Variants in FUT8 observed in about 807,000 individuals in gnomAD.
FUT8 encodes the protein alpha-(1,6)-fucosyltransferase.
A neutral mutation model predicts 71.3 loss-of-function variants in FUT8; 29 were observed. The ratio of observed to expected loss-of-function variants is 0.41; its 90% CI spans 0.30 to 0.55. FUT8 has a LOEUF of 0.55. FUT8 is among the 20% of genes least tolerant of loss of function. The probability of loss-of-function intolerance (pLI) is 0.34; values close to 1 mark genes in which losing one functional copy is unlikely to be tolerated. For missense variants in FUT8, 544 were observed against 702.1 expected (o/e 0.77, Z 2.55); for synonymous variants, 254 against 239.3 (o/e 1.06, Z -0.57).
chr14:65,467,077 T>G lies in FUT8; in HGVS notation c.-228+11359T>G, dbSNP rs1346710165. Among the ~76,000 whole-genome samples, 2 of 152,174 alleles carry G rather than the reference T, an allele frequency of 1.3e-5. No individual in the cohort carries two copies. The highest frequency in any genetic ancestry group is 2.4e-5 in the African/African-American group (1 of 41,434). On this transcript the variant is annotated intron_variant, in intron 2 of 10. Transcript: ENST00000673929. The surrounding 1 kb of genome is among the most constrained non-coding windows in gnomAD (Gnocchi z 4.1). Reference sequence around the variant, plus strand: ...TTATTTTTTTCCTCTACACTCTTCCTTTCTTTTTGTAATCCATATTTCTGA... The same window carrying G: ...TTATTTTTTTCCTCTACACTCTTCCGTTCTTTTTGTAATCCATATTTCTGA...
chr14:65,384,715 A>T, the FUT8 span, among the ~76,000 whole-genome samples: 1 of 152,146 alleles, frequency 6.6e-6, no homozygotes. The surrounding 1 kb of genome is among the most constrained non-coding windows in gnomAD (Gnocchi z 4.2). Flanking sequence ...GGGTGCATTT[A>T]AATGCATTTT....
the FUT8 span, among the ~76,000 whole-genome samples, chr14:65,398,224 A>G: frequency 6.6e-6 from 1 of 152,132 alleles, no homozygotes; most frequent in Non-Finnish European, 1.5e-5. Context: ...ATAGTGGCAC[A>G]ATCATAGCTC....
At chr14:65,688,707 A>G (rs1174639093) in intron 7 of FUT8, among the ~76,000 whole-genome samples, 4 of 152,022 alleles carry the variant, frequency 2.6e-5, no homozygotes, top group Non-Finnish European at 4.4e-5. Context: ...TACATTTTCA[A>G]CTCACTTGGG....
chr14:65,571,495 T>C (rs1055305589), intron 3 of FUT8, among the ~76,000 whole-genome samples: 2 of 152,124 alleles, frequency 1.3e-5, no homozygotes, highest in Non-Finnish European at 2.9e-5. Context: ...TACTCTTACA[T>C]ACAGGGCCTG....
At chr14:65,522,885 C>G (rs1050977318) in intron 2 of FUT8, among the ~76,000 whole-genome samples, 6 of 152,102 alleles carry the variant, frequency 3.9e-5, no homozygotes, top group African/African-American at 1.4e-4. Flanking sequence ...ATCCACATCC[C>G]TACAAAGGAC....
chr14:65,428,852 G>T (rs1372466123), intron 1 of FUT8, among the ~76,000 whole-genome samples: 2 of 152,138 alleles, frequency 1.3e-5, no homozygotes, highest in African/African-American at 4.8e-5. Flanking sequence ...GTAGAAAGTG[G>T]GTTGGAACAA....
the FUT8 span, among the ~76,000 whole-genome samples, chr14:65,385,384 T>C: frequency 1.6e-4 from 25 of 152,268 alleles, no homozygotes; most frequent in African/African-American, 6.0e-4. Context: ...ATTTTTATTC[T>C]CCCTTAAACT....
intron 7 of FUT8, among the ~76,000 whole-genome samples, chr14:65,706,650 T>G (rs770307529): frequency 1.3e-5 from 2 of 152,166 alleles, no homozygotes; most frequent in African/African-American, 2.4e-5. Flanking sequence ...TTTTTTGCTG[T>G]ATCCTCACAT....
the FUT8 span, among the ~76,000 whole-genome samples, chr14:65,368,278 C>T: frequency 7.2e-6 from 1 of 138,216 alleles, no homozygotes; most frequent in African/African-American, 2.6e-5. Context: ...TGGTCTTGAC[C>T]TCCTGACCTT....
chr14:65,583,060 TA>T (rs1296533400), intron 3 of FUT8, among the ~76,000 whole-genome samples: 2 of 152,382 alleles, frequency 1.3e-5, no homozygotes, highest in Non-Finnish European at 1.5e-5. Context: ...AATTATTTTA[TA>T]ATTAAAACTT....
the FUT8 span, among the ~76,000 whole-genome samples, chr14:65,391,918 G>A: frequency 6.6e-6 from 1 of 152,262 alleles, no homozygotes. Flanking sequence ...CACTGTGTCT[G>A]GCCAGCTAAG....
chr14:65,700,468 G>A (rs760545600), intron 7 of FUT8, among the ~76,000 whole-genome samples: 1 of 121,696 alleles, frequency 8.2e-6, no homozygotes, highest in Non-Finnish European at 1.6e-5. Flanking sequence ...TTGGCTCACT[G>A]CAAGCTCCGC....
At chr14:65,640,602 A>G (rs958248709) in intron 6 of FUT8, among the ~76,000 whole-genome samples, 11 of 152,228 alleles carry the variant, frequency 7.2e-5, no homozygotes, top group African/African-American at 2.4e-4. Context: ...GAATAACATC[A>G]TATTTGTGTT....
chr14:65,719,209 T>C lies in FUT8; in HGVS notation c.836-2566T>C, dbSNP rs10132575. ...ATTTTCAAATAGCCTGTCTTTAAGC[T>C]TACCAATTCTTTCTTCTGCTTGATG... is the stretch of plus-strand genomic sequence containing the variant. On this transcript the variant is annotated intron_variant, in intron 7 of 10. Transcript: ENST00000673929. Among the ~76,000 whole-genome samples, 1,485 of 152,230 alleles carry C rather than the reference T, an allele frequency of 9.8e-3. 24 individuals carry two copies. The highest frequency in any genetic ancestry group is 0.034 in the African/African-American group (1,426 of 41,518).
At chr14:65,583,204 T>A (rs979432157) in intron 3 of FUT8, among the ~76,000 whole-genome samples, 4 of 152,188 alleles carry the variant, frequency 2.6e-5, no homozygotes, top group Non-Finnish European at 5.9e-5. Flanking sequence ...TTAGACAAGA[T>A]CTCACTCTGT....
chr14:65,420,990 C>A (rs895899792), intron 1 of FUT8, among the ~76,000 whole-genome samples: 1 of 152,012 alleles, frequency 6.6e-6, no homozygotes, highest in Non-Finnish European at 1.5e-5. Context: ...GTCAAGAGAT[C>A]GAGACCATCC....
At chr14:65,431,713 A>G (rs1221435534) in intron 1 of FUT8, among the ~76,000 whole-genome samples, 2 of 150,212 alleles carry the variant, frequency 1.3e-5, no homozygotes, top group Non-Finnish European at 3.0e-5. Context: ...AAGCTTCTTC[A>G]GCTTTGCTTT....
At chr14:65,495,776 G>A (rs1000640308) in intron 2 of FUT8, among the ~76,000 whole-genome samples, 3 of 152,076 alleles carry the variant, frequency 2.0e-5, no homozygotes, top group Non-Finnish European at 4.4e-5. Context: ...ATGACTAATT[G>A]TGTTATATTT....
At chr14:65,735,484 A>G (rs1162136609) in intron 10 of FUT8, among the ~76,000 whole-genome samples, 1 of 152,184 alleles carries the variant, frequency 6.6e-6, no homozygotes, top group Non-Finnish European at 1.5e-5. Flanking sequence ...GCTCATACTT[A>G]TATTTCACAT....
Sources: allele counts gnomAD v4.1 joint callset (sites outside exome capture counted in the v4.1 genomes callset), GRCh38; gene constraint gnomAD v4.1.1; non-coding constraint Gnocchi (gnomAD v3.1); transcripts MANE v1.5; gene names NCBI Gene and HGNC (gene_info 2026-07-23, HGNC 2026-07-21).